ARFIP1: variants seen among roughly 807,000 people sequenced by gnomAD.
ARFIP1 encodes arfaptin-1.
In ARFIP1, 24 loss-of-function variants were observed where a neutral mutation model predicts 42.5. The observed-to-expected ratio is 0.57, with a 90% CI of 0.41 to 0.80. The LOEUF (loss-of-function observed/expected upper bound fraction) is 0.80. Among genes scored for constraint, ARFIP1 ranks in the 30% least tolerant of loss-of-function variants. ARFIP1 has a pLI of 0.00. For missense variants in ARFIP1, 354 were observed against 434.0 expected (o/e 0.82, Z 1.64); for synonymous variants, 141 against 153.7 (o/e 0.92, Z 0.61).
intron 7 of ARFIP1, among the ~76,000 whole-genome samples, 181 bp downstream of exon 7, chr4:152,883,061 A>G (rs1268710208): frequency 6.6e-6 from 1 of 152,152 alleles, no homozygotes; most frequent in Non-Finnish European, 1.5e-5. Context: ...TTCTGGAAAC[A>G]ACCAAGAACC....
intron 1 of ARFIP1, among the ~76,000 whole-genome samples, chr4:152,815,002 C>T (rs1729754454): frequency 6.6e-6 from 1 of 152,172 alleles, no homozygotes; most frequent in African/African-American, 2.4e-5. Flanking sequence ...GGGTCTTTGT[C>T]ATCAGTCTCA....
intron 1 of ARFIP1, among the ~76,000 whole-genome samples, chr4:152,793,325 ATG>A (rs1561099875): frequency 1.6e-4 from 23 of 141,318 alleles, no homozygotes; most frequent in African/African-American, 5.4e-4. Context: ...AAAAAAAAAA[ATG>A]ATATATATAT....
In ARFIP1 at chr4:152,887,366, G is replaced by A. The variant is rs2149896448; in HGVS notation, c.792-767G>A. Reference sequence around the variant, plus strand: ...ACAATAGATACTGTTGTTACATTCTGAATACTGATGTTACAGAAATTCATC... The same window carrying A: ...ACAATAGATACTGTTGTTACATTCTAAATACTGATGTTACAGAAATTCATC... On this transcript the variant is annotated intron_variant, in intron 7 of 8. Transcript: ENST00000353617. Among the ~76,000 whole-genome samples, 3 of 152,058 alleles carry A rather than the reference G, an allele frequency of 2.0e-5. 1 individual carries two copies. In the Middle Eastern group the frequency reaches 0.01, roughly 517 times the overall value.
intron 1 of ARFIP1, among the ~76,000 whole-genome samples, chr4:152,801,934 AAG>A (rs1286331369): frequency 2.0e-5 from 3 of 152,218 alleles, no homozygotes; most frequent in Non-Finnish European, 4.4e-5. Context: ...AAAGGATAAA[AAG>A]AGACAGAGCT....
At chr4:152,852,338 A>T (rs1733056558) in intron 2 of ARFIP1, among the ~76,000 whole-genome samples, 1 of 152,124 alleles carries the variant, frequency 6.6e-6, no homozygotes, top group Non-Finnish European at 1.5e-5. Flanking sequence ...CACTTAAAAA[A>T]TTTAAGGGTT....
chr4:152,830,336 C>T (rs1731166733), intron 2 of ARFIP1, among the ~76,000 whole-genome samples: 1 of 152,034 alleles, frequency 6.6e-6, no homozygotes, highest in Non-Finnish European at 1.5e-5. Flanking sequence ...GTTTTCTAAT[C>T]TCTACAATGA....
chr4:152,823,776 CAAAAAA>C (rs66556811), intron 1 of ARFIP1, among the ~76,000 whole-genome samples: 13 of 63,144 alleles, frequency 2.1e-4, no homozygotes, highest in Middle Eastern at 0.013. Flanking sequence ...GTCTCCATCT[CAAAAAA>C]AAAAAAAAAA....
intron 1 of ARFIP1, among the ~76,000 whole-genome samples, chr4:152,818,501 A>G (rs1389856365): frequency 3.3e-5 from 5 of 152,312 alleles, no homozygotes; most frequent in Admixed American, 1.3e-4. Flanking sequence ...AGGGGACCTC[A>G]TGTCAGCTAA....
At chr4:152,872,854 A>G (rs894923481) in intron 5 of ARFIP1, among the ~76,000 whole-genome samples, 5 of 152,198 alleles carry the variant, frequency 3.3e-5, no homozygotes, top group African/African-American at 4.8e-5. Context: ...TAGAGCTACT[A>G]TAGATATATT....
At chr4:152,825,346 A>C (rs1228678982) in intron 1 of ARFIP1, among the ~76,000 whole-genome samples, 2 of 152,212 alleles carry the variant, frequency 1.3e-5, no homozygotes, top group African/African-American at 4.8e-5. Context: ...TACTGGCATA[A>C]AAGTAGGTAC....
At chr4:152,857,721 G>C (rs1443212950) in intron 2 of ARFIP1, among the ~76,000 whole-genome samples, 1 of 152,126 alleles carries the variant, frequency 6.6e-6, no homozygotes, top group African/African-American at 2.4e-5. Flanking sequence ...CCCAAATACT[G>C]CATCTGAAGT....
chr4:152,874,163 T>C (rs1197461277), intron 5 of ARFIP1, among the ~76,000 whole-genome samples: 1 of 152,184 alleles, frequency 6.6e-6, no homozygotes, highest in Non-Finnish European at 1.5e-5. Context: ...CTGCTATTCT[T>C]GCATCTCTTA....
chr4:152,878,904 A>G (rs1735589756), intron 5 of ARFIP1, among the ~76,000 whole-genome samples: 1 of 152,194 alleles, frequency 6.6e-6, no homozygotes, highest in Non-Finnish European at 1.5e-5. Context: ...CTCTGATAAT[A>G]TTGCATAGGG....
chr4:152,876,700 C>T (rs1359399145), intron 5 of ARFIP1, among the ~76,000 whole-genome samples: 3 of 152,228 alleles, frequency 2.0e-5, no homozygotes, highest in Non-Finnish European at 4.4e-5. Context: ...GAAATCTTCA[C>T]GGCAGCCCCT....
intron 8 of ARFIP1, among the ~76,000 whole-genome samples, chr4:152,909,386 A>G (rs973910259): frequency 6.6e-6 from 1 of 152,248 alleles, no homozygotes; most frequent in Non-Finnish European, 1.5e-5. Context: ...CTCTGTCTCA[A>G]AAAACAAAAC....
intron 1 of ARFIP1, among the ~76,000 whole-genome samples, chr4:152,807,968 G>A (rs116503517): frequency 0.011 from 1,679 of 151,950 alleles, 35 homozygotes; most frequent in African/African-American, 0.037. Context: ...TGAACATTAT[G>A]TCTGTGAAGT....
At chr4:152,806,174 G>A (rs1168838673) in intron 1 of ARFIP1, among the ~76,000 whole-genome samples, 1 of 152,170 alleles carries the variant, frequency 6.6e-6, no homozygotes, top group African/African-American at 2.4e-5. Context: ...TCTCTTTGAG[G>A]CAGTACTTCT....
At chr4:152,826,529 C>T (rs1730852925) in intron 1 of ARFIP1, among the ~76,000 whole-genome samples, 1 of 152,144 alleles carries the variant, frequency 6.6e-6, no homozygotes, top group African/African-American at 2.4e-5. Context: ...ACAATGTACA[C>T]TACCGGGGTG....
chr4:152,838,848 G>A (rs930037313), intron 2 of ARFIP1, among the ~76,000 whole-genome samples: 49 of 152,130 alleles, frequency 3.2e-4, no homozygotes, highest in Non-Finnish European at 6.9e-4. Context: ...GGGCATCCTT[G>A]TCTTGTTCCC....
Sources: gnomAD v4.1 joint callset for allele counts (sites outside exome capture counted in the v4.1 genomes callset) on GRCh38, gnomAD v4.1.1 for gene constraint, MANE v1.5 for transcripts, NCBI Gene and HGNC (gene_info 2026-07-23, HGNC 2026-07-21) for gene names.